The following GRIA1 variants were observed in gnomAD, a reference collection of about 807,000 sequenced individuals.
The protein encoded by GRIA1 is glutamate ionotropic receptor AMPA type subunit 1, also known as glutamate receptor 1.
GRIA1 carries 31 observed loss-of-function variants against 99.2 expected under a neutral mutation model. The observed-to-expected ratio is 0.31, with a 90% CI of 0.23 to 0.42. The LOEUF is 0.42. Among genes scored for constraint, GRIA1 ranks in the 10% least tolerant of loss-of-function variants. The probability of loss-of-function intolerance (pLI) is 1.00; values close to 1 mark genes in which losing one functional copy is unlikely to be tolerated. For synonymous variants in GRIA1, 438 were observed against 432.4 expected, an observed-to-expected ratio of 1.01 and a Z score of -0.16; for missense variants, 782 against 1,157.5, an observed-to-expected ratio of 0.68 and a Z score of 4.71.
chr5:153,676,789 C>T (rs1293811655), intron 6 of GRIA1, among the ~76,000 whole-genome samples: 1 of 152,132 alleles, frequency 6.6e-6, no homozygotes, highest in African/African-American at 2.4e-5. Flanking sequence ...CTAGCATGGT[C>T]GAGCAGCAGC....
intron 11 of GRIA1, among the ~76,000 whole-genome samples, chr5:153,710,124 C>A (rs773405890): frequency 1.3e-5 from 2 of 151,738 alleles, no homozygotes; most frequent in Non-Finnish European, 2.9e-5. Context: ...AGTTAAAAAT[C>A]ACTTCAGCTA....
chr5:153,566,007 TG>T (rs1437600764), intron 2 of GRIA1, among the ~76,000 whole-genome samples: 3 of 152,314 alleles, frequency 2.0e-5, no homozygotes, highest in Admixed American at 1.3e-4. Flanking sequence ...GAAATTGCTG[TG>T]TTATGTAGTA....
At chr5:153,571,240 C>T (rs1396084199) in intron 2 of GRIA1, among the ~76,000 whole-genome samples, 1 of 152,082 alleles carries the variant, frequency 6.6e-6, no homozygotes, top group Non-Finnish European at 1.5e-5. Flanking sequence ...GGCACTTGCC[C>T]CCAGTTGAGA....
intron 8 of GRIA1, among the ~76,000 whole-genome samples, chr5:153,687,410 G>A (rs1489179044): frequency 1.3e-5 from 2 of 152,076 alleles, no homozygotes; most frequent in Non-Finnish European, 2.9e-5. Flanking sequence ...ACCTCATAGG[G>A]TCATTGAGAG....
chr5:153,705,991 A>T lies in GRIA1; in HGVS notation c.1747A>T (p.Asn583Tyr). 1 of 1,613,946 alleles carries T rather than the reference A, an allele frequency of 6.2e-7. No homozygotes were observed. Among genetic ancestry groups the T allele is most frequent in the Non-Finnish European group, 8.5e-7 (1 of 1,179,878 alleles). The change falls in exon 11 of 16, where the codon AAT (asparagine) becomes TAT (tyrosine). Residue 583 changes from asparagine (N) to tyrosine (Y), a missense_variant. Asn to Tyr is a moderately radical substitution (Grantham distance 143). This residue lies in a region of GRIA1 where 39 missense variants were observed against 43.5 expected (regional missense o/e 0.90). Transcript: ENST00000285900. ...GRDQTTSDQS[N>Y]EFGIFNSLWF... ...GGACCAGACAACCAGTGACCAGTCCAATGAGTTTGGGATATTCAACAGTTT... is the reference window on the plus strand; with the variant it reads ...GGACCAGACAACCAGTGACCAGTCCTATGAGTTTGGGATATTCAACAGTTT...
At chr5:153,522,107 T>A (rs894892471) in intron 2 of GRIA1, among the ~76,000 whole-genome samples, 1 of 152,218 alleles carries the variant, frequency 6.6e-6, no homozygotes, top group Non-Finnish European at 1.5e-5. Flanking sequence ...TGCCTGTGGA[T>A]AAGTGTAAGA....
At chr5:153,549,843 A>G (rs1272275321) in intron 2 of GRIA1, among the ~76,000 whole-genome samples, 2 of 152,176 alleles carry the variant, frequency 1.3e-5, no homozygotes, top group Non-Finnish European at 2.9e-5. Context: ...AACTGCCTTC[A>G]TTCCCTTTAT....
intron 2 of GRIA1, among the ~76,000 whole-genome samples, chr5:153,502,432 G>A (rs891070575): frequency 6.6e-6 from 1 of 152,194 alleles, no homozygotes; most frequent in Non-Finnish European, 1.5e-5. Flanking sequence ...CCTATGGATG[G>A]TTATTACTGT....
chr5:153,704,779 C>T (rs1758774201), intron 10 of GRIA1, among the ~76,000 whole-genome samples: 1 of 152,142 alleles, frequency 6.6e-6, no homozygotes. Context: ...ATCTCCGCAG[C>T]CAGAATGAAT....
chr5:153,517,319 G>T (rs771131599), intron 2 of GRIA1, among the ~76,000 whole-genome samples: 4 of 152,120 alleles, frequency 2.6e-5, no homozygotes, highest in Non-Finnish European at 5.9e-5. Flanking sequence ...CCTGCTGACT[G>T]GTCCCTCTCT....
At chr5:153,698,750 G>T (rs565430597) in intron 9 of GRIA1, 117 bp from the exon 10 acceptor site, 3 of 692,836 alleles carry the variant, frequency 4.3e-6, no homozygotes. Flanking sequence ...GTGAATTGAG[G>T]GGCTAGAGAG....
At chr5:153,744,772 A>T (rs138357605) in intron 11 of GRIA1, among the ~76,000 whole-genome samples, 1,534 of 152,272 alleles carry the variant, frequency 0.01, 31 homozygotes, top group African/African-American at 0.036. Context: ...CTGTACAGTT[A>T]TTAGGTTCTA....
At chr5:153,597,563 A>G (rs1276920219) in intron 2 of GRIA1, among the ~76,000 whole-genome samples, 1 of 152,210 alleles carries the variant, frequency 6.6e-6, no homozygotes, top group Non-Finnish European at 1.5e-5. Flanking sequence ...AGGATGATTG[A>G]GTATTCAGTG....
chr5:153,597,427 A>C (rs1359329659), intron 2 of GRIA1, among the ~76,000 whole-genome samples: 1 of 152,184 alleles, frequency 6.6e-6, no homozygotes, highest in East Asian at 1.9e-4. Context: ...CAGGTTCTAT[A>C]GGCAGACTGC....
chr5:153,540,417 A>G (rs1034719808), intron 2 of GRIA1, among the ~76,000 whole-genome samples: 2 of 152,148 alleles, frequency 1.3e-5, no homozygotes, highest in African/African-American at 4.8e-5. Context: ...ACTGCCTCCT[A>G]ATGAAACACA....
At chr5:153,756,860 T>C (rs1181617659) in intron 11 of GRIA1, among the ~76,000 whole-genome samples, 1 of 152,106 alleles carries the variant, frequency 6.6e-6, no homozygotes, top group African/African-American at 2.4e-5. Context: ...CAAAGCCAGA[T>C]TGCAAAGACT....
At chr5:153,665,186 C>T (rs939804304) in intron 5 of GRIA1, among the ~76,000 whole-genome samples, 13 of 152,238 alleles carry the variant, frequency 8.5e-5, no homozygotes, top group African/African-American at 2.9e-4. Context: ...GAGTCCCTAA[C>T]CTTCTGCCAG....
chr5:153,535,106 G>A (rs1758445350), intron 2 of GRIA1, among the ~76,000 whole-genome samples: 2 of 152,146 alleles, frequency 1.3e-5, no homozygotes, highest in East Asian at 3.9e-4. Flanking sequence ...ATCTTTAGTA[G>A]AGACAGGGCT....
chr5:153,634,087 C>G (rs1477207646), intron 2 of GRIA1, among the ~76,000 whole-genome samples: 1 of 151,948 alleles, frequency 6.6e-6, no homozygotes. Flanking sequence ...GAGGCCGAGG[C>G]GGGTGGATCA....
Sources: allele counts gnomAD v4.1 joint callset (sites outside exome capture counted in the v4.1 genomes callset), GRCh38; gene constraint gnomAD v4.1.1; regional missense constraint gnomAD v4.1.1; transcripts MANE v1.5; gene names NCBI Gene and HGNC (gene_info 2026-07-23, HGNC 2026-07-21).